ZNF277: variants seen among roughly 807,000 people sequenced by gnomAD.
The protein encoded by ZNF277 is nuclear receptor-interacting factor 4.
A neutral mutation model predicts 60.7 loss-of-function variants in ZNF277; 55 were observed. The ratio of observed to expected loss-of-function variants is 0.91; its 90% CI spans 0.73 to 1.13. The LOEUF is 1.13. Ranked by LOEUF, ZNF277 falls within the 50% of genes most tolerant of loss-of-function variation. The pLI is 0.00. For missense variants in ZNF277, 510 were observed against 523.0 expected (o/e 0.98, Z 0.24); for synonymous variants, 178 against 179.3 (o/e 0.99, Z 0.06).
At chr7:112,241,072 C>T (rs1790934551) in intron 1 of ZNF277, among the ~76,000 whole-genome samples, 1 of 151,910 alleles carries the variant, frequency 6.6e-6, no homozygotes, top group African/African-American at 2.4e-5. Context: ...AGAAAACCCA[C>T]AGTATCGGAG....
At chr7:112,277,667 T>A (rs1216549213) in intron 1 of ZNF277, among the ~76,000 whole-genome samples, 1 of 152,230 alleles carries the variant, frequency 6.6e-6, no homozygotes, top group Non-Finnish European at 1.5e-5. Context: ...ATGTGCCTAA[T>A]AGCTACCATT....
chr7:112,279,958 A>AGAGAT (rs1791903900), intron 1 of ZNF277, among the ~76,000 whole-genome samples: 1 of 152,144 alleles, frequency 6.6e-6, no homozygotes, highest in East Asian at 1.9e-4. Context: ...GGGATGCAGG[A>AGAGAT]GAGATGGGCA....
chr7:112,265,244 A>C (rs532054190), intron 1 of ZNF277, among the ~76,000 whole-genome samples: 1 of 152,250 alleles, frequency 6.6e-6, no homozygotes, highest in Admixed American at 6.5e-5. Flanking sequence ...TTTGATTTAA[A>C]GTGACAGACT....
Position 112,252,616 on chromosome 7 carries a change from G to A in ZNF277, c.92-34257G>A, listed in dbSNP as rs575627786. Among the ~76,000 whole-genome samples the A allele has an allele frequency of 2.0e-5, 3 of 152,148 alleles. No individual in the cohort carries two copies. The South Asian group carries it at 6.2e-4, about 32-fold the overall frequency. ...TAGAATCAACAAACCTGGAATCTGG[G>A]GGCATACAATATAATTTACCAGTGA... On this transcript the variant is annotated intron_variant, in intron 1 of 11. Transcript: ENST00000361822.
chr7:112,256,135 A>G (rs1587122086), intron 1 of ZNF277, among the ~76,000 whole-genome samples: 1 of 152,224 alleles, frequency 6.6e-6, no homozygotes, highest in East Asian at 1.9e-4. Context: ...TGATTGAATA[A>G]GAGATTTCTA....
rs1386866735 is a variant in ZNF277, at chr7:112,239,835, A to G, written c.91+33028A>G. On this transcript the variant is annotated intron_variant, in intron 1 of 11. Transcript: ENST00000361822. ...CTCATATTTTGAGTATTTTGAGTAG[A>G]GGGACTAAAAGATGAACCAATCAAA... 3.3e-5 allele frequency among the ~76,000 whole-genome samples: 5 copies of G among 152,222 alleles called. No homozygotes were observed. The East Asian group carries it at 5.8e-4, about 18-fold the overall frequency.
chr7:112,220,328 T>C (rs149955495), intron 1 of ZNF277, among the ~76,000 whole-genome samples: 1,960 of 152,242 alleles, frequency 0.013, 46 homozygotes, highest in African/African-American at 0.045. Context: ...ATTTCTTTTT[T>C]AATTCGTATG....
At chr7:112,334,788 G>T (rs1019987538) in intron 7 of ZNF277, among the ~76,000 whole-genome samples, 1 of 152,120 alleles carries the variant, frequency 6.6e-6, no homozygotes, top group Admixed American at 6.5e-5. Context: ...ATAAAACCAT[G>T]ACCTTAAGTC....
chr7:112,318,848 G>T (rs572599722), intron 5 of ZNF277, among the ~76,000 whole-genome samples: 2 of 152,170 alleles, frequency 1.3e-5, no homozygotes, highest in Non-Finnish European at 2.9e-5. Context: ...TTGACCACTG[G>T]TTATAAAGTC....
In ZNF277 at chr7:112,313,765, T is replaced by C. The variant is rs1471686965; in HGVS notation, c.466-4417T>C. Among the ~76,000 whole-genome samples, 3 of 152,168 alleles carry C rather than the reference T, an allele frequency of 2.0e-5. 1 individual carries two copies. The highest frequency in any genetic ancestry group is 4.4e-5 in the Non-Finnish European group (3 of 68,008). On this transcript the variant is annotated intron_variant, in intron 4 of 11. Transcript: ENST00000361822. ...ACTGTGGGAAGCTCTTCATTTTACTTTATAAATGAAATATAAACTACATAA... is the reference window on the plus strand; with the variant it reads ...ACTGTGGGAAGCTCTTCATTTTACTCTATAAATGAAATATAAACTACATAA...
intron 1 of ZNF277, among the ~76,000 whole-genome samples, chr7:112,263,051 C>T: frequency 6.6e-6 from 1 of 152,176 alleles, no homozygotes; most frequent in East Asian, 1.9e-4. Context: ...CAGTCCTCTC[C>T]ATTTCTTACT....
At chr7:112,329,941 G>A (rs2117129707) in intron 6 of ZNF277, 143 bp from the exon 7 acceptor site, 1 of 947,974 alleles carries the variant, frequency 1.1e-6, no homozygotes, top group Non-Finnish European at 1.5e-6. Flanking sequence ...TAAAGTGAGG[G>A]GGGATTCTGA....
intron 1 of ZNF277, among the ~76,000 whole-genome samples, chr7:112,244,869 TAC>T (rs1465161630): frequency 1.3e-5 from 2 of 152,186 alleles, no homozygotes; most frequent in East Asian, 1.9e-4. Context: ...CCTCATAATA[TAC>T]AGTTATTTAT....
chr7:112,320,071 T>C (rs778915884), intron 5 of ZNF277, among the ~76,000 whole-genome samples: 8 of 152,128 alleles, frequency 5.3e-5, no homozygotes, highest in Non-Finnish European at 8.8e-5. Context: ...ACAAATGGTA[T>C]TTTTGTTTTC....
At chr7:112,222,770 A>G (rs2116964420) in intron 1 of ZNF277, among the ~76,000 whole-genome samples, 1 of 152,324 alleles carries the variant, frequency 6.6e-6, no homozygotes, top group African/African-American at 2.4e-5. Context: ...TGAAGGATAC[A>G]AAGTATTGAT....
At chr7:112,206,869 A>C in intron 1 of ZNF277, 62 bp downstream of exon 1, 1 of 1,539,642 alleles carries the variant, frequency 6.5e-7, no homozygotes, top group African/African-American at 1.4e-5. Context: ...CCGGGTGTGC[A>C]ACGGACCTCT....
At chr7:112,232,530 TA>T (rs1205417225) in intron 1 of ZNF277, among the ~76,000 whole-genome samples, 1 of 152,168 alleles carries the variant, frequency 6.6e-6, no homozygotes, top group Non-Finnish European at 1.5e-5. Context: ...ACCCAAACAA[TA>T]ACACACATTA....
At chr7:112,229,910 G>A (rs1822277264) in intron 1 of ZNF277, among the ~76,000 whole-genome samples, 1 of 152,204 alleles carries the variant, frequency 6.6e-6, no homozygotes, top group Non-Finnish European at 1.5e-5. Flanking sequence ...ATGCCTTCTT[G>A]ATAGAATGAG....
Position 112,270,067 on chromosome 7 carries a change from G to A in ZNF277, c.92-16806G>A, listed in dbSNP as rs1049313197. 2.0e-5 allele frequency among the ~76,000 whole-genome samples: 3 copies of A among 152,168 alleles called. No homozygotes were observed. In the East Asian group the frequency reaches 5.8e-4, roughly 29 times the overall value. ...CTAATAAAAAGAATAACATGGTTAAGTCTCCACTGGATTCGCATCCAGAAT... is the reference window on the plus strand; with the variant it reads ...CTAATAAAAAGAATAACATGGTTAAATCTCCACTGGATTCGCATCCAGAAT... On this transcript the variant is annotated intron_variant, in intron 1 of 11. Transcript: ENST00000361822.
Sources: allele counts gnomAD v4.1 joint callset (sites outside exome capture counted in the v4.1 genomes callset), GRCh38; gene constraint gnomAD v4.1.1; transcripts MANE v1.5; gene names NCBI Gene and HGNC (gene_info 2026-07-23, HGNC 2026-07-21).